Variants in RNFT2 observed in about 807,000 individuals in gnomAD.
The protein encoded by RNFT2 is E3 ubiquitin-protein ligase RNFT2.
Under a neutral mutation model 53.0 loss-of-function variants are expected in RNFT2, and 36 were observed. The ratio of observed to expected loss-of-function variants is 0.68; its 90% CI spans 0.52 to 0.90. The LOEUF (loss-of-function observed/expected upper bound fraction) is 0.90. Ranked by LOEUF, RNFT2 falls within the 40% of genes least tolerant of loss-of-function variation. The pLI is 0.00. For missense variants in RNFT2, 514 were observed against 585.6 expected (o/e 0.88, Z 1.26); for synonymous variants, 260 against 253.2 (o/e 1.03, Z -0.26).
intron 3 of RNFT2, among the ~76,000 whole-genome samples, chr12:116,744,078 T>TACTAAAAATAAAAA (rs1261224072): frequency 3.9e-5 from 6 of 151,940 alleles, no homozygotes; most frequent in Non-Finnish European, 7.4e-5. Context: ...AATACAAAAA[T>TACTAAAAATAAAAA]TAGCCAGTGT....
intron 5 of RNFT2, among the ~76,000 whole-genome samples, chr12:116,754,352 T>C (rs1300816425): frequency 6.6e-6 from 1 of 152,230 alleles, no homozygotes; most frequent in African/African-American, 2.4e-5. Context: ...TATATACATA[T>C]ATATACACCA....
At chr12:116,841,854 TAAAA>T (rs1375962760) in intron 10 of RNFT2, among the ~76,000 whole-genome samples, 2,739 of 30,102 alleles carry the variant, frequency 0.091, 177 homozygotes, top group Non-Finnish European at 0.16. Context: ...TAAATATATA[TAAAA>T]ATATATATAT....
At chr12:116,830,531 TC>T (rs373529961) in intron 7 of RNFT2, among the ~76,000 whole-genome samples, 200 of 152,112 alleles carry the variant, frequency 1.3e-3, no homozygotes, top group African/African-American at 4.7e-3. Context: ...CAAGGGATCC[TC>T]CCACCTTAGC....
intron 7 of RNFT2, among the ~76,000 whole-genome samples, chr12:116,785,586 C>T (rs1473962256): frequency 6.6e-6 from 1 of 152,136 alleles, no homozygotes; most frequent in Non-Finnish European, 1.5e-5. Context: ...TCATTCCTGC[C>T]TCCTCACTAT....
intron 7 of RNFT2, among the ~76,000 whole-genome samples, chr12:116,810,118 G>A (rs1044834006): frequency 5.3e-5 from 8 of 152,178 alleles, no homozygotes; most frequent in African/African-American, 9.7e-5. Context: ...CTAGGCATGG[G>A]GTTCTGCAGA....
chr12:116,757,373 G>C (rs994981003), intron 5 of RNFT2, among the ~76,000 whole-genome samples: 3 of 151,894 alleles, frequency 2.0e-5, no homozygotes, highest in Non-Finnish European at 2.9e-5. Flanking sequence ...GTTTGGATTT[G>C]GTTTCTTCTT....
intron 7 of RNFT2, among the ~76,000 whole-genome samples, chr12:116,823,805 A>G (rs548604087): frequency 2.6e-5 from 4 of 152,326 alleles, no homozygotes; most frequent in East Asian, 1.9e-4. Context: ...TTTATTGAGC[A>G]CTTACCATGC....
At chr12:116,841,808 T>A (rs1369807308) in intron 10 of RNFT2, among the ~76,000 whole-genome samples, 1 of 80,960 alleles carries the variant, frequency 1.2e-5, no homozygotes, top group Non-Finnish European at 2.1e-5. Flanking sequence ...TATATATAAA[T>A]ATATATATAA....
chr12:116,768,099 CT>C (rs528793630), intron 6 of RNFT2, among the ~76,000 whole-genome samples: 350 of 131,884 alleles, frequency 2.7e-3, no homozygotes, highest in Non-Finnish European at 2.8e-3. Flanking sequence ...ACAGTTTGGC[CT>C]TTTTTTTTTT....
intron 7 of RNFT2, among the ~76,000 whole-genome samples, chr12:116,820,657 C>T (rs1485718671): frequency 6.6e-6 from 1 of 152,040 alleles, no homozygotes; most frequent in Non-Finnish European, 1.5e-5. Flanking sequence ...CTAAGGTCTC[C>T]TAGGGTCTCC....
rs534732827 is a variant in RNFT2 at position 116,758,232 on chromosome 12, C to T, written c.627+4172C>T. On this transcript the variant is annotated intron_variant, in intron 5 of 10. Coordinates refer to ENST00000257575, the MANE Select transcript of RNFT2 (RefSeq NM_001382266.1). ...AGTCCTTATGTGTTAGGTGAGTCAC[C>T]TGAAGGCAGCAGATGGTTGGTTGGT... Among the ~76,000 whole-genome samples, 12 of 152,224 alleles carry T rather than the reference C, an allele frequency of 7.9e-5. No individual in the cohort carries two copies. In the East Asian group the frequency reaches 1.7e-3, roughly 22 times the overall value.
At chr12:116,755,580 A>G in intron 5 of RNFT2, 2 of 860,188 alleles carry the variant, frequency 2.3e-6, no homozygotes, top group South Asian at 1.3e-5. Context: ...CGGCTCTCAG[A>G]GTGCTTAATG....
intron 7 of RNFT2, among the ~76,000 whole-genome samples, chr12:116,797,470 A>G (rs577475524): frequency 6.6e-6 from 1 of 151,698 alleles, no homozygotes; most frequent in East Asian, 1.9e-4. Context: ...GAGGCAGGAG[A>G]CTCACTTGAA....
intron 4 of RNFT2, among the ~76,000 whole-genome samples, chr12:116,751,018 T>G (rs11611604): frequency 0.92 from 137,833 of 149,596 alleles, 63,651 homozygotes; most frequent in Admixed American, 0.95. Flanking sequence ...CCAGGTTGGT[T>G]ATCCTCCCAC....
At chr12:116,785,275 G>GTGTGTGTGTGTGTGTGTGTGTGT (rs1555261550) in intron 7 of RNFT2, among the ~76,000 whole-genome samples, 1 of 138,116 alleles carries the variant, frequency 7.2e-6, no homozygotes, top group Admixed American at 7.0e-5. Context: ...GTGTGTGTGT[G>GTGTGTGTGTGTGTGTGTGTGTGT]GCGGGGGGGG....
At chr12:116,803,748 G>A (rs1279345861) in intron 7 of RNFT2, among the ~76,000 whole-genome samples, 2 of 152,220 alleles carry the variant, frequency 1.3e-5, no homozygotes, top group Admixed American at 6.5e-5. Context: ...AACTTGAGGT[G>A]TATATAAAAG....
chr12:116,845,299 C>T (rs970271265), intron 10 of RNFT2, among the ~76,000 whole-genome samples: 1 of 145,262 alleles, frequency 6.9e-6, no homozygotes, highest in Non-Finnish European at 1.5e-5. Flanking sequence ...AGAGAGAGCT[C>T]TTAATCTAGT....
chr12:116,772,834 C>G (rs74747450), intron 6 of RNFT2, among the ~76,000 whole-genome samples: 7,638 of 152,084 alleles, frequency 0.05, 190 homozygotes, highest in African/African-American at 0.061. Context: ...AGGAGCATTT[C>G]TTTATTTATT....
intron 4 of RNFT2, among the ~76,000 whole-genome samples, chr12:116,752,339 A>T (rs959619555): frequency 1.3e-5 from 2 of 152,146 alleles, no homozygotes; most frequent in African/African-American, 4.8e-5. Flanking sequence ...TTCTATTCCT[A>T]GAAGTGAAAG....
Sources: gnomAD v4.1 joint callset for allele counts (sites outside exome capture counted in the v4.1 genomes callset) on GRCh38, gnomAD v4.1.1 for gene constraint, MANE v1.5 for transcripts, NCBI Gene and HGNC (gene_info 2026-07-23, HGNC 2026-07-21) for gene names.